The following CLEC12B variants were observed in gnomAD, a reference collection of about 807,000 sequenced individuals.
CLEC12B encodes macrophage antigen h.
CLEC12B carries 25 observed loss-of-function variants against 36.1 expected under a neutral mutation model. The observed-to-expected ratio is 0.69, with a 90% confidence interval of 0.50 to 0.97. The LOEUF (loss-of-function observed/expected upper bound fraction) is 0.97, where lower values mean the gene tolerates loss of function less well. Ranked by LOEUF, CLEC12B falls within the 50% of genes least tolerant of loss-of-function variation. The pLI is 0.00. For missense variants in CLEC12B, 325 were observed against 318.4 expected (o/e 1.02, Z -0.16); for synonymous variants, 110 against 108.5 (o/e 1.01, Z -0.09).
At chr12:10,014,788 C>A in intron 3 of CLEC12B, 47 bp downstream of exon 3, 2 of 1,344,872 alleles carry the variant, frequency 1.5e-6, no homozygotes, top group Non-Finnish European at 2.1e-6. Context: ...ATATGTTATC[C>A]TGGTCTAAGT....
upstream of CLEC12B, among the ~76,000 whole-genome samples, chr12:10,008,147 A>T (rs1187947039): frequency 6.6e-6 from 1 of 152,250 alleles, no homozygotes; most frequent in Admixed American, 6.5e-5. Flanking sequence ...AATGTTATTT[A>T]CCTGCACTGT....
At chr12:10,017,526 C>T in intron 5 of CLEC12B, 2 of 985,362 alleles carry the variant, frequency 2.0e-6, no homozygotes, top group South Asian at 9.4e-5. Flanking sequence ...ACCTACAGAC[C>T]CTGGCCCCTG....
upstream of CLEC12B, among the ~76,000 whole-genome samples, chr12:10,006,260 T>C (rs571817940): frequency 4.6e-5 from 7 of 152,248 alleles, no homozygotes; most frequent in South Asian, 1.5e-3. Flanking sequence ...AGCTAGAAAA[T>C]CCTATAATAT....
intron 5 of CLEC12B, chr12:10,017,871 TC>T (rs1230031110): frequency 7.0e-5 from 68 of 975,302 alleles, no homozygotes; most frequent in Non-Finnish European, 8.1e-5. Flanking sequence ...TGTCTTGTTC[TC>T]TTTTTACCCA....
In CLEC12B at chr12:10,014,641, C is replaced by A; in HGVS notation, c.309C>A (p.Ser103=). The A allele has an allele frequency of 6.2e-7, 1 of 1,613,632 alleles. No individual in the cohort carries two copies. Among genetic ancestry groups the A allele is most frequent in the Non-Finnish European group, 8.5e-7 (1 of 1,179,614 alleles). The change falls in exon 3 of 6, where the codon TCC becomes TCA. Residue 103 remains serine (S), a synonymous_variant. Transcript: ENST00000338896. Reference sequence around the variant, plus strand: ...AACTGGGCAACTCCAACAACTTGTCCATGGAGGAGGAATTTCTCAAGTCAC... The same window carrying A: ...AACTGGGCAACTCCAACAACTTGTCAATGGAGGAGGAATTTCTCAAGTCAC... ...SQQLGNSNNL[S]MEEEFLKSQI... is the part of the protein sequence containing the mutation.
rs907740653 is a variant in CLEC12B, at chr12:10,014,658, T to C, written c.326T>C (p.Leu109Pro). Residue 109 changes from leucine to proline, a missense_variant, in exon 3 of 6, where the codon CTC (leucine) becomes CCC (proline). By Grantham distance (98) the Leu-to-Pro change is moderately conservative. Coordinates refer to ENST00000338896, the MANE Select transcript of CLEC12B (RefSeq NM_001129998.3). ...SNNLSMEEEF[L>P]KSQISSVLKR... ...AACTTGTCCATGGAGGAGGAATTTC[T>C]CAAGTCACAGATCTCCAGTGTACTG... is the stretch of plus-strand genomic sequence containing the variant. The C allele has an allele frequency of 3.1e-6, 5 of 1,613,698 alleles. No individual in the cohort carries two copies. Among genetic ancestry groups the C allele is most frequent in the Non-Finnish European group, 4.2e-6 (5 of 1,179,772 alleles).
At chr12:10,014,456 C>A in intron 2 of CLEC12B, 67 bp from the exon 3 acceptor site, 1 of 1,129,292 alleles carries the variant, frequency 8.9e-7, no homozygotes, top group Non-Finnish European at 1.3e-6. Context: ...ATGTTTCTGT[C>A]ACGAGAATTA....
intron 5 of CLEC12B, among the ~76,000 whole-genome samples, 162 bp from the exon 6 acceptor site, chr12:10,018,168 AT>A (rs1376905059): frequency 6.6e-6 from 1 of 152,168 alleles, no homozygotes; most frequent in Non-Finnish European, 1.5e-5. Context: ...CTCTGGGCAG[AT>A]TTTGTGCCAG....
At position 10,012,878 on chromosome 12, in the gene CLEC12B, T is replaced by C. The variant is rs1011949182; in HGVS notation, c.185T>C (p.Met62Thr). Residue 62 changes from methionine (M) to threonine (T), a missense_variant, in exon 2 of 6, where the codon ATG (methionine) becomes ACG (threonine). Coordinates refer to ENST00000338896, the MANE Select transcript of CLEC12B (RefSeq NM_001129998.3). ...MLLIGLVTLGMMFLQISNDIN... is the reference protein window; with the variant it reads ...MLLIGLVTLGTMFLQISNDIN... The stretch of plus-strand genomic sequence containing the variant: ...CTGATTGGGCTGGTGACATTGGGGA[T>C]GATGTGTAAGTATATCAGCATCAAA... The C allele has an allele frequency of 9.3e-6, 15 of 1,609,074 alleles. No individual in the cohort carries two copies. The Admixed American group carries it at 1.5e-4, about 16-fold the overall frequency.
chr12:10,016,894 G>A lies in CLEC12B; in HGVS notation c.680+1167G>A, dbSNP rs1451525366. ...ACTTCTTCTATCTAACAGAATATTT[G>A]TATTCATAATGGCTTTTTATCTACC... On this transcript the variant is annotated intron_variant, in intron 5 of 5. Coordinates refer to ENST00000338896, the MANE Select transcript of CLEC12B (RefSeq NM_001129998.3). 7.1e-6 allele frequency: 5 copies of A among 701,068 alleles called. No individual in the cohort carries two copies. In the East Asian group the frequency reaches 4.0e-4, roughly 56 times the overall value. 43.4% of individuals were successfully genotyped at this position (701,068 alleles called of 1,614,324 possible). A position where few individuals can be genotyped will look rare whatever the true frequency, so the allele number is the denominator to read the frequency against.
intron 1 of CLEC12B, among the ~76,000 whole-genome samples, chr12:10,011,592 T>C (rs1452566436): frequency 6.6e-6 from 1 of 152,194 alleles, no homozygotes; most frequent in Non-Finnish European, 1.5e-5. Context: ...CATTCTCTTA[T>C]GCCTAATTGG....
chr12:10,017,339 T>C (rs1865511346), intron 5 of CLEC12B: 1 of 985,266 alleles, frequency 1.0e-6, no homozygotes, highest in Admixed American at 6.2e-5. Context: ...ATCTGAGGTG[T>C]TGCTACTAGA....
At chr12:10,009,319 C>T (rs761426321), upstream of CLEC12B, among the ~76,000 whole-genome samples, 11 of 152,138 alleles carry the variant, frequency 7.2e-5, no homozygotes, top group Non-Finnish European at 1.3e-4. Flanking sequence ...CAGGAACCCA[C>T]CGGCAGGAAC....
intron 3 of CLEC12B, among the ~76,000 whole-genome samples, 170 bp from the exon 4 acceptor site, chr12:10,015,081 GC>G (rs1418916383): frequency 6.6e-6 from 1 of 152,080 alleles, no homozygotes; most frequent in African/African-American, 2.4e-5. Context: ...AATCCCTGTT[GC>G]CCCAACCCAT....
chr12:10,010,707 C>A lies in CLEC12B; in HGVS notation c.-53C>A. On this transcript the variant is annotated 5_prime_UTR_variant, in exon 1 of 6. Coordinates refer to ENST00000338896, the MANE Select transcript of CLEC12B (RefSeq NM_001129998.3). Reference sequence around the variant, plus strand: ...TGAAAAACACATGCTGTTCCCAGGCCTCAAGATATTGAAACATTAATTAGA... The same window carrying A: ...TGAAAAACACATGCTGTTCCCAGGCATCAAGATATTGAAACATTAATTAGA... The A allele has an allele frequency of 8.2e-7, 1 of 1,219,556 alleles. No individual in the cohort carries two copies. Among genetic ancestry groups the A allele is most frequent in the Admixed American group, 1.8e-5 (1 of 55,420 alleles). The allele number at this position is 1,219,556 out of a possible 1,614,324, so 75.5% of individuals were successfully genotyped here.
chr12:10,017,673 A>T (rs1030043832), intron 5 of CLEC12B: 1 of 970,596 alleles, frequency 1.0e-6, no homozygotes. Context: ...TGAAGCAAGC[A>T]AAGAATATGG....
At position 10,014,561 on chromosome 12, in the gene CLEC12B, A is replaced by C; in HGVS notation, c.229A>C (p.Lys77Gln). 1 of 1,613,738 alleles carries C rather than the reference A, an allele frequency of 6.2e-7. No homozygotes were observed. Among genetic ancestry groups the C allele is most frequent in the Non-Finnish European group, 8.5e-7 (1 of 1,179,740 alleles). ...ISNDINSDSE[K>Q]LSQLQKTIQQ... is the part of the protein sequence containing the mutation. ...TAATGACATTAACTCAGATTCAGAG[A>C]AATTGAGTCAACTTCAGAAAACCAT... The change falls in exon 3 of 6, where the codon AAA (lysine) becomes CAA (glutamine). Residue 77 changes from lysine (K) to glutamine (Q), a missense_variant. Coordinates refer to ENST00000338896, the MANE Select transcript of CLEC12B (RefSeq NM_001129998.3).
At chr12:10,010,192 T>TCACACACA (rs1565577512), upstream of CLEC12B, among the ~76,000 whole-genome samples, 1 of 48,564 alleles carries the variant, frequency 2.1e-5, no homozygotes, top group Non-Finnish European at 4.5e-5. Context: ...TCTCTCTCTG[T>TCACACACA]CTCTCTCTCA....
upstream of CLEC12B, among the ~76,000 whole-genome samples, chr12:10,009,223 C>T (rs947248519): frequency 6.6e-6 from 1 of 152,190 alleles, no homozygotes; most frequent in Non-Finnish European, 1.5e-5. Flanking sequence ...ACCTTGCTAC[C>T]ACTCAGTCTT....
Sources: gnomAD v4.1 joint callset for allele counts (sites outside exome capture counted in the v4.1 genomes callset) on GRCh38, gnomAD v4.1.1 for gene constraint, MANE v1.5 for transcripts, NCBI Gene and HGNC (gene_info 2026-07-23, HGNC 2026-07-21) for gene names.